Variants in XKR9 observed in about 807,000 individuals in gnomAD.
XKR9 encodes XK-related protein 9.
In XKR9, 32 loss-of-function variants were observed where a neutral mutation model predicts 32.0. The ratio of observed to expected loss-of-function variants is 1.00; its 90% CI spans 0.76 to 1.34. The LOEUF is 1.34. Among genes scored for constraint, XKR9 ranks in the 40% most tolerant of loss-of-function variants. The pLI is 0.00. For missense variants in XKR9, 546 were observed against 429.7 expected (o/e 1.27, Z -2.39); for synonymous variants, 168 against 143.4 (o/e 1.17, Z -1.22).
At chr8:70,688,451 C>G (rs1819385007) in intron 3 of XKR9, among the ~76,000 whole-genome samples, 1 of 151,206 alleles carries the variant, frequency 6.6e-6, no homozygotes, top group South Asian at 2.1e-4. Flanking sequence ...GAGTCTTGCT[C>G]TGTTACCCAG....
intron 3 of XKR9, among the ~76,000 whole-genome samples, chr8:70,688,913 C>T (rs1819411593): frequency 6.6e-6 from 1 of 152,106 alleles, no homozygotes; most frequent in African/African-American, 2.4e-5. Context: ...TAAAAGAAGA[C>T]ATCGGAGAAT....
the XKR9 span, among the ~76,000 whole-genome samples, chr8:70,951,336 G>A: frequency 1.6e-4 from 25 of 152,258 alleles, no homozygotes; most frequent in African/African-American, 5.3e-4. Flanking sequence ...TTCAGAGTTA[G>A]GAGGTCAGCT....
chr8:70,847,795 C>T, the XKR9 span, among the ~76,000 whole-genome samples: 1 of 151,892 alleles, frequency 6.6e-6, no homozygotes, highest in African/African-American at 2.4e-5. Context: ...CCTCAGTAAA[C>T]CAATAATAAA....
chr8:71,019,947 G>A, the XKR9 span, among the ~76,000 whole-genome samples: 1 of 152,158 alleles, frequency 6.6e-6, no homozygotes, highest in African/African-American at 2.4e-5. Context: ...TCTACTTACT[G>A]TTATTTTGAT....
the XKR9 span, among the ~76,000 whole-genome samples, chr8:70,797,397 G>A: frequency 2.0e-5 from 3 of 151,948 alleles, no homozygotes; most frequent in Non-Finnish European, 4.4e-5. Context: ...GCCTCTACTT[G>A]GATTTGCATG....
chr8:70,962,422 C>A, the XKR9 span, among the ~76,000 whole-genome samples: 7 of 152,026 alleles, frequency 4.6e-5, no homozygotes, highest in Non-Finnish European at 1.0e-4. Flanking sequence ...TATGAAAACC[C>A]ATTGTTTAGC....
At chr8:70,982,158 T>C in the XKR9 span, among the ~76,000 whole-genome samples, 1 of 152,238 alleles carries the variant, frequency 6.6e-6, no homozygotes, top group Non-Finnish European at 1.5e-5. Context: ...GCACATCAGC[T>C]GAGGTACTGT....
At chr8:70,682,764 T>C (rs1179342531) in intron 3 of XKR9, among the ~76,000 whole-genome samples, 1 of 152,212 alleles carries the variant, frequency 6.6e-6, no homozygotes, top group Non-Finnish European at 1.5e-5. Flanking sequence ...TGTTTTGCTT[T>C]TTCAAGACTT....
At chr8:70,705,953 G>C (rs1451858694) in intron 3 of XKR9, among the ~76,000 whole-genome samples, 1 of 152,086 alleles carries the variant, frequency 6.6e-6, no homozygotes, top group East Asian at 1.9e-4. Context: ...CAAGAGCCAA[G>C]CGAACTTGCT....
intron 3 of XKR9, among the ~76,000 whole-genome samples, chr8:70,687,480 C>A (rs1168573928): frequency 6.6e-6 from 1 of 151,842 alleles, no homozygotes; most frequent in Non-Finnish European, 1.5e-5. Flanking sequence ...GGTGATCTTC[C>A]CATCTCAGCC....
At chr8:70,790,149 A>G (rs896053485) in exon 4 of XKR9, 1 of 150,442 alleles carries the variant, frequency 6.6e-6, no homozygotes, top group African/African-American at 2.4e-5. Context: ...TGTTTCTTAT[A>G]GCAAGATCTT....
At chr8:70,829,739 C>A in the XKR9 span, among the ~76,000 whole-genome samples, 1 of 152,138 alleles carries the variant, frequency 6.6e-6, no homozygotes, top group Non-Finnish European at 1.5e-5. Flanking sequence ...TGAGCCACGG[C>A]GCCCAGCCTG....
At chr8:70,670,503 C>T (rs1818675923) in intron 1 of XKR9, 1 of 151,386 alleles carries the variant, frequency 6.6e-6, no homozygotes, top group Admixed American at 6.6e-5. Context: ...ACTGTAGCAG[C>T]CCACTCTTTT....
chr8:70,724,525 C>A (rs1433305367), intron 4 of XKR9, among the ~76,000 whole-genome samples: 2 of 151,946 alleles, frequency 1.3e-5, no homozygotes, highest in Non-Finnish European at 2.9e-5. Flanking sequence ...GTGGTGTAGG[C>A]ACATGAAGGT....
intron 2 of XKR9, among the ~76,000 whole-genome samples, chr8:70,785,303 T>C (rs1233383164): frequency 6.6e-6 from 1 of 151,996 alleles, no homozygotes; most frequent in African/African-American, 2.4e-5. Context: ...GTATAATTAT[T>C]CATAGTAGTC....
At chr8:70,766,097 TG>T (rs201937147) in intron 2 of XKR9, among the ~76,000 whole-genome samples, 11,039 of 152,276 alleles carry the variant, frequency 0.072, 473 homozygotes, top group Non-Finnish European at 0.089. Flanking sequence ...GGCTCTTTTT[TG>T]GTTCCATATG....
chr8:70,876,736 C>T, the XKR9 span, among the ~76,000 whole-genome samples: 4 of 152,006 alleles, frequency 2.6e-5, no homozygotes, highest in African/African-American at 7.3e-5. Context: ...CACTCAGAAA[C>T]CCTGAGTTTC....
At chr8:70,828,533 G>C in the XKR9 span, among the ~76,000 whole-genome samples, 47 of 152,110 alleles carry the variant, frequency 3.1e-4, 2 homozygotes, top group South Asian at 9.1e-3. Context: ...AGGCCAGCCT[G>C]ATCAACATGG....
At chr8:70,820,351 A>G in the XKR9 span, among the ~76,000 whole-genome samples, 1 of 152,164 alleles carries the variant, frequency 6.6e-6, no homozygotes, top group Non-Finnish European at 1.5e-5. Context: ...TATAAAGAAA[A>G]GGGGTTTATT....
Sources: gnomAD v4.1 joint callset for allele counts (sites outside exome capture counted in the v4.1 genomes callset) on GRCh38, gnomAD v4.1.1 for gene constraint, MANE v1.5 for transcripts, NCBI Gene and HGNC (gene_info 2026-07-23, HGNC 2026-07-21) for gene names.